The following TNFSF4 variants were observed in gnomAD, a reference collection of about 807,000 sequenced individuals.
TNFSF4 encodes the protein tumor necrosis factor ligand superfamily member 4.
In TNFSF4, 4 loss-of-function variants were observed where a neutral mutation model predicts 7.3. The observed-to-expected ratio is 0.55, with a 90% CI of 0.27 to 1.25. TNFSF4 has a LOEUF of 1.25. Ranked by LOEUF, TNFSF4 falls within the 50% of genes most tolerant of loss-of-function variation. The pLI is 0.12. For synonymous variants in TNFSF4, 76 were observed against 83.7 expected, an observed-to-expected ratio of 0.91 and a Z score of 0.50; for missense variants, 181 against 208.8, an observed-to-expected ratio of 0.87 and a Z score of 0.82.
the TNFSF4 span, among the ~76,000 whole-genome samples, chr1:173,281,879 A>G: frequency 6.6e-6 from 1 of 152,204 alleles, no homozygotes; most frequent in South Asian, 2.1e-4. Flanking sequence ...TAAGACACAG[A>G]GAGAATAAGA....
At chr1:173,278,793 A>G in the TNFSF4 span, among the ~76,000 whole-genome samples, 1 of 152,206 alleles carries the variant, frequency 6.6e-6, no homozygotes, top group South Asian at 2.1e-4. Flanking sequence ...ATATGATGAT[A>G]TGATTTAGCC....
the TNFSF4 span, among the ~76,000 whole-genome samples, chr1:173,395,142 G>A: frequency 6.6e-6 from 1 of 151,304 alleles, no homozygotes; most frequent in African/African-American, 2.4e-5. Flanking sequence ...TTGTTTCTGA[G>A]ATTGGTTCTA....
At chr1:173,410,437 T>C in the TNFSF4 span, among the ~76,000 whole-genome samples, 1 of 152,146 alleles carries the variant, frequency 6.6e-6, no homozygotes, top group Non-Finnish European at 1.5e-5. Flanking sequence ...TAGATACATA[T>C]ATACATTCAC....
At chr1:173,262,823 A>G in the TNFSF4 span, among the ~76,000 whole-genome samples, 2 of 151,976 alleles carry the variant, frequency 1.3e-5, no homozygotes, top group African/African-American at 4.8e-5. Context: ...GATAGTTTCA[A>G]TCTCCTGACC....
the TNFSF4 span, among the ~76,000 whole-genome samples, chr1:173,309,355 T>C: frequency 3.9e-5 from 6 of 151,956 alleles, no homozygotes; most frequent in Non-Finnish European, 8.8e-5. Context: ...TTTTTTTAAC[T>C]ATGTACTTTT....
At position 173,186,710 on chromosome 1, in the gene TNFSF4, G is replaced by T; in HGVS notation, c.358C>A (p.Gln120Lys). The T allele has an allele frequency of 6.2e-7, 1 of 1,614,102 alleles. No individual in the cohort carries two copies. The highest frequency in any genetic ancestry group is 8.5e-7 in the Non-Finnish European group (1 of 1,180,008). The change falls in exon 3 of 3, where the codon CAG becomes AAG. Residue 120 changes from glutamine to lysine, a missense_variant. By Grantham distance (53) the Gln-to-Lys change is moderately conservative (BLOSUM62 1). Coordinates refer to ENST00000281834, the MANE Select transcript of TNFSF4 (RefSeq NM_003326.5). ...SQEVNISLHYQKDEEPLFQLK... is the reference protein window; with the variant it reads ...SQEVNISLHYKKDEEPLFQLK... ...TGGAAGAGGGGCTCCTCATCCTTCT[G>T]GTAATGAAGGCTAATGTTGACTTCC...
At chr1:173,205,468 C>T in intron 1 of TNFSF4, 1 of 1,521,000 alleles carries the variant, frequency 6.6e-7, no homozygotes, top group Non-Finnish European at 8.8e-7. Context: ...CACCAGCAAG[C>T]TGTACAACTG....
At chr1:173,403,442 C>T in the TNFSF4 span, among the ~76,000 whole-genome samples, 2 of 152,154 alleles carry the variant, frequency 1.3e-5, no homozygotes, top group Non-Finnish European at 2.9e-5. Context: ...TCTAGAAGCT[C>T]CCTAATTTGT....
rs1360767280 is a variant in TNFSF4, at chr1:173,186,438, A to G, written c.*78T>C. The G allele has an allele frequency of 6.5e-6, 8 of 1,236,862 alleles. No homozygotes were observed. The Admixed American group carries it at 1.8e-4, about 29-fold the overall frequency. 76.6% of individuals were successfully genotyped at this position (1,236,862 alleles called of 1,614,324 possible). ...TGAGCTGGGAGGCTCCTTCACTTGC[A>G]ATGAAGAATCCATGCCCTGTCCACC... is the stretch of plus-strand genomic sequence containing the variant. On this transcript the variant is annotated 3_prime_UTR_variant, in exon 3 of 3. Transcript: ENST00000281834.
chr1:173,220,822 T>C, the TNFSF4 span, among the ~76,000 whole-genome samples: 1 of 152,162 alleles, frequency 6.6e-6, no homozygotes, highest in African/African-American at 2.4e-5. Flanking sequence ...ACCCAAACTA[T>C]AGGATTCTGT....
At chr1:173,277,924 G>A in the TNFSF4 span, among the ~76,000 whole-genome samples, 1 of 152,094 alleles carries the variant, frequency 6.6e-6, no homozygotes, top group African/African-American at 2.4e-5. Context: ...AGCATGACAG[G>A]TATAGGAGGG....
the TNFSF4 span, among the ~76,000 whole-genome samples, chr1:173,245,006 T>A: frequency 6.6e-6 from 1 of 152,048 alleles, no homozygotes; most frequent in Non-Finnish European, 1.5e-5. Context: ...TTTATCTATA[T>A]GATGACTAGT....
At chr1:173,244,240 T>C in the TNFSF4 span, among the ~76,000 whole-genome samples, 2 of 152,200 alleles carry the variant, frequency 1.3e-5, no homozygotes. Flanking sequence ...GAGTCCCATG[T>C]CTGGTATGAC....
rs745541182 is a variant in TNFSF4 at position 173,186,806 on chromosome 1, C to T, written c.262G>A (p.Val88Met). The change falls in exon 3 of 3, where the codon GTG (valine) becomes ATG (methionine). Residue 88 changes from valine (V) to methionine (M), a missense_variant. Physicochemically the swap from Val to Met is conservative, Grantham distance 21 (BLOSUM62 1). Coordinates refer to ENST00000281834, the MANE Select transcript of TNFSF4 (RefSeq NM_003326.5). ...TSQKEDEIMK[V>M]QNNSVIINCD... The stretch of plus-strand genomic sequence containing the variant: ...TTGATGATGACTGAGTTGTTCTGCA[C>T]CTTCATGATTTCATCCTCCTTTTGG... The T allele has an allele frequency of 5.0e-6, 8 of 1,613,022 alleles. No individual in the cohort carries two copies. Among genetic ancestry groups the T allele is most frequent in the Non-Finnish European group, 6.8e-6 (8 of 1,179,496 alleles).
At chr1:173,437,103 G>A in the TNFSF4 span, among the ~76,000 whole-genome samples, 3 of 152,136 alleles carry the variant, frequency 2.0e-5, no homozygotes, top group Admixed American at 6.6e-5. Flanking sequence ...GTCACACATC[G>A]TAACCAGGAG....
At chr1:173,342,378 C>T in the TNFSF4 span, among the ~76,000 whole-genome samples, 1 of 152,120 alleles carries the variant, frequency 6.6e-6, no homozygotes, top group Non-Finnish European at 1.5e-5. Flanking sequence ...AAGCAGCTCA[C>T]ATAATTTGAG....
At chr1:173,199,986 T>C (rs1287670001) in intron 1 of TNFSF4, among the ~76,000 whole-genome samples, 1 of 152,228 alleles carries the variant, frequency 6.6e-6, no homozygotes, top group Non-Finnish European at 1.5e-5. Flanking sequence ...CCATAAGTTA[T>C]TATGTGATTG....
At chr1:173,407,912 G>T in the TNFSF4 span, among the ~76,000 whole-genome samples, 2 of 152,182 alleles carry the variant, frequency 1.3e-5, no homozygotes, top group Non-Finnish European at 2.9e-5. Context: ...AGGTGATAAG[G>T]TCATCAGGGC....
the TNFSF4 span, among the ~76,000 whole-genome samples, chr1:173,254,825 T>G: frequency 1.3e-5 from 2 of 152,164 alleles, no homozygotes; most frequent in Non-Finnish European, 2.9e-5. Flanking sequence ...AAAGAGGAAC[T>G]GCCTGCAACA....
Sources: allele counts gnomAD v4.1 joint callset (sites outside exome capture counted in the v4.1 genomes callset), GRCh38; gene constraint gnomAD v4.1.1; transcripts MANE v1.5; gene names NCBI Gene and HGNC (gene_info 2026-07-23, HGNC 2026-07-21).